The following ADK variants were observed in gnomAD, a reference collection of about 807,000 sequenced individuals.
The protein encoded by ADK is adenosine kinase.
ADK carries 24 observed loss-of-function variants against 44.7 expected under a neutral mutation model. The observed-to-expected ratio is 0.54, with a 90% confidence interval of 0.39 to 0.76. The LOEUF is 0.76. ADK is among the 30% of genes least tolerant of loss of function. ADK has a pLI of 0.00. For synonymous variants in ADK, 128 were observed against 142.6 expected (o/e 0.90, Z 0.73); for missense variants, 321 against 425.1 (o/e 0.76, Z 2.15).
intron 2 of ADK, among the ~76,000 whole-genome samples, chr10:74,217,402 G>A (rs1422120883): frequency 6.6e-6 from 1 of 152,238 alleles, no homozygotes; most frequent in African/African-American, 2.4e-5. Context: ...ACAGCTCAAG[G>A]AGGCCTTCCT....
At chr10:74,582,723 G>A (rs1851411642) in intron 7 of ADK, among the ~76,000 whole-genome samples, 1 of 152,024 alleles carries the variant, frequency 6.6e-6, no homozygotes, top group Non-Finnish European at 1.5e-5. Context: ...CTATTGGATA[G>A]AGGCATGAGT....
intron 6 of ADK, among the ~76,000 whole-genome samples, chr10:74,486,144 C>A (rs1232134607): frequency 6.6e-6 from 1 of 152,104 alleles, no homozygotes; most frequent in Non-Finnish European, 1.5e-5. Context: ...ATCCTTCAGG[C>A]TGGTCTCATG....
intron 9 of ADK, among the ~76,000 whole-genome samples, chr10:74,612,289 A>G (rs1483427864): frequency 6.6e-6 from 1 of 151,792 alleles, no homozygotes; most frequent in Admixed American, 6.6e-5. Flanking sequence ...GTATTGATTT[A>G]TTTGTATTTT....
Position 74,151,323 on chromosome 10 carries a change from G to A in ADK, c.45G>A (p.Val15=). ...AGCCGAAGCCCAAAAAGCTGAAGGT[G>A]GAGGCGCCGCAAGCGCTGAGGTGAG... is the stretch of plus-strand genomic sequence containing the variant. ...EEEPKPKKLK[V]EAPQALRENI... Residue 15 remains valine, a synonymous_variant, in exon 1 of 11, where the codon GTG becomes GTA. Transcript: ENST00000539909. 1 of 1,549,630 alleles carries A rather than the reference G, an allele frequency of 6.5e-7. No homozygotes were observed. Among genetic ancestry groups the A allele is most frequent in the Middle Eastern group, 2.3e-4 (1 of 4,410 alleles).
chr10:74,659,957 G>T (rs1345885213), intron 9 of ADK, among the ~76,000 whole-genome samples: 1 of 152,010 alleles, frequency 6.6e-6, no homozygotes, highest in Non-Finnish European at 1.5e-5. Context: ...CAATCAAGTT[G>T]ACCCTCAGTA....
rs116250798 is a variant in ADK, at chr10:74,177,707, A to G, written c.66-23057A>G. Among the ~76,000 whole-genome samples, 716 of 152,206 alleles carry G rather than the reference A, an allele frequency of 4.7e-3. 3 individuals are homozygous for G. Among genetic ancestry groups the G allele is most frequent in the African/African-American group, 0.016 (676 of 41,546 alleles). On this transcript the variant is annotated intron_variant, in intron 1 of 10. Transcript: ENST00000539909. ...AGCAGAACTTGGGCTTTGTTGTCCC[A>G]GAGAAAGGGAGGCCCCAGCACAAAA...
Position 74,271,993 on chromosome 10 carries a change from A to T in ADK, c.195-42674A>T, listed in dbSNP as rs1391497018. 3.9e-5 allele frequency among the ~76,000 whole-genome samples: 6 copies of T among 152,240 alleles called. No individual in the cohort carries two copies. In the East Asian group the frequency reaches 1.2e-3, roughly 29 times the overall value. On this transcript the variant is annotated intron_variant, in intron 3 of 10. Coordinates refer to ENST00000539909, the MANE Select transcript of ADK (RefSeq NM_006721.4). The stretch of plus-strand genomic sequence containing the variant: ...AATTAATTGCAGGGATTTAACATGT[A>T]GGGAAACCTTAATTATTCTGAATAT...
intron 3 of ADK, among the ~76,000 whole-genome samples, chr10:74,313,692 T>A (rs1840523594): frequency 6.6e-6 from 1 of 151,934 alleles, no homozygotes; most frequent in South Asian, 2.1e-4. Flanking sequence ...AATCTGACCA[T>A]ATTTATGTTT....
chr10:74,706,955 C>G (rs1018675055), intron 10 of ADK, among the ~76,000 whole-genome samples: 2 of 152,122 alleles, frequency 1.3e-5, no homozygotes, highest in South Asian at 2.1e-4. Context: ...CAACTTCTGT[C>G]AGATTTATTC....
chr10:74,424,535 C>CAAAAAAAAAAAAAAAAAAAA (rs57106986), intron 6 of ADK, among the ~76,000 whole-genome samples: 10 of 58,460 alleles, frequency 1.7e-4, no homozygotes, highest in African/African-American at 6.6e-4. Flanking sequence ...AACTCCGTCT[C>CAAAAAAAAAAAAAAAAAAAA]AAAAAAAAAA....
intron 3 of ADK, among the ~76,000 whole-genome samples, chr10:74,310,432 T>C (rs982581021): frequency 6.6e-6 from 1 of 152,032 alleles, no homozygotes; most frequent in Non-Finnish European, 1.5e-5. Flanking sequence ...GTATTTCTTT[T>C]CTAACACCAT....
chr10:74,401,166 T>C (rs747662719), intron 6 of ADK, among the ~76,000 whole-genome samples: 57 of 152,368 alleles, frequency 3.7e-4, no homozygotes, highest in Middle Eastern at 3.4e-3. Context: ...TAGGTAATTA[T>C]GTTTTTGAAA....
chr10:74,707,885 G>A lies in ADK; in HGVS notation c.965-436G>A, dbSNP rs116804001. Reference sequence around the variant, plus strand: ...ATGTTTGGGAAAAGATCTCCCGACCGGGCACAGTGGCTCAACACCTGTAAT... The same window carrying A: ...ATGTTTGGGAAAAGATCTCCCGACCAGGCACAGTGGCTCAACACCTGTAAT... On this transcript the variant is annotated intron_variant, in intron 10 of 10. Transcript: ENST00000539909. Among the ~76,000 whole-genome samples the A allele has an allele frequency of 7.8e-3, 1,184 of 151,568 alleles. 13 individuals carry two copies. The highest frequency in any genetic ancestry group is 0.026 in the African/African-American group (1,089 of 41,330).
At chr10:74,637,238 A>G (rs1208234809) in intron 9 of ADK, among the ~76,000 whole-genome samples, 4 of 152,206 alleles carry the variant, frequency 2.6e-5, no homozygotes, top group Non-Finnish European at 4.4e-5. Flanking sequence ...TAAAATAATC[A>G]TCATAGGTTC....
At chr10:74,320,236 G>C (rs1451207206) in intron 4 of ADK, among the ~76,000 whole-genome samples, 1 of 152,148 alleles carries the variant, frequency 6.6e-6, no homozygotes, top group Non-Finnish European at 1.5e-5. Flanking sequence ...GTTGGATATA[G>C]AATTCTTGGT....
intron 10 of ADK, among the ~76,000 whole-genome samples, chr10:74,707,967 A>C (rs568255919): frequency 6.6e-6 from 1 of 151,988 alleles, no homozygotes; most frequent in Non-Finnish European, 1.5e-5. Context: ...CCTGGCCAGC[A>C]TGGTGAAACC....
chr10:74,509,364 T>C (rs143636865), intron 6 of ADK: 6 of 152,234 alleles, frequency 3.9e-5, no homozygotes, highest in African/African-American at 1.4e-4. Context: ...AGCTAATGTT[T>C]GTATTTTTAG....
intron 10 of ADK, among the ~76,000 whole-genome samples, chr10:74,700,763 A>G (rs1856393635): frequency 6.6e-6 from 1 of 152,340 alleles, no homozygotes. Context: ...GACATGGTAA[A>G]GAGAGTCACT....
At chr10:74,575,370 C>T (rs1295876528) in intron 7 of ADK, among the ~76,000 whole-genome samples, 1 of 152,056 alleles carries the variant, frequency 6.6e-6, no homozygotes, top group East Asian at 1.9e-4. Context: ...TAAAAGAAGC[C>T]TTTACAACTT....
Sources: gnomAD v4.1 joint callset for allele counts (sites outside exome capture counted in the v4.1 genomes callset) on GRCh38, gnomAD v4.1.1 for gene constraint, MANE v1.5 for transcripts, NCBI Gene and HGNC (gene_info 2026-07-23, HGNC 2026-07-21) for gene names.